The following GABRE variants were observed in gnomAD, a reference collection of about 807,000 sequenced individuals.
GABRE encodes the protein gamma-aminobutyric acid type A receptor subunit epsilon, also known as gamma-aminobutyric acid receptor subunit epsilon.
In GABRE, 20 loss-of-function variants were observed where a neutral mutation model predicts 31.0. The observed-to-expected ratio is 0.64, with a 90% confidence interval of 0.45 to 0.94. The LOEUF (loss-of-function observed/expected upper bound fraction) is 0.94, where lower values mean the gene tolerates loss of function less well. Among genes scored for constraint, GABRE ranks in the 40% least tolerant of loss-of-function variants. The pLI, the probability that GABRE is intolerant of heterozygous loss-of-function variation, is 0.00. For missense variants in GABRE, 420 were observed against 410.7 expected, an observed-to-expected ratio of 1.02 and a Z score of -0.20; for synonymous variants, 155 against 150.6, an observed-to-expected ratio of 1.03 and a Z score of -0.21.
intron 2 of GABRE, chrX:151,969,955 T>C (rs2124180375): frequency 9.3e-7 from 1 of 1,069,719 alleles, no homozygotes; most frequent in Non-Finnish European, 1.2e-6. Flanking sequence ...TCTAGTTTAG[T>C]CCTCTCATTT....
rs483352728 is a variant in GABRE at position 151,955,530 on chromosome X, G to T, written c.975C>A (p.Thr325=). 8.3e-7 allele frequency: 1 copy of T among 1,211,727 alleles called. No individual in the cohort carries two copies. Among genetic ancestry groups the T allele is most frequent in the Non-Finnish European group, 1.1e-6 (1 of 895,348 alleles). The part of the protein sequence containing the change: ...TSVLTMTTLG[T]FSRKNFPRVS... ...CACGCGGGAAATTCTTACGAGAAAA[G>T]GTGCCCAACGTGGTCATGGTCAGAA... The change falls in exon 8 of 9, where the codon ACC becomes ACA. Residue 325 remains threonine (T), a synonymous_variant. Coordinates refer to ENST00000370328, the MANE Select transcript of GABRE (RefSeq NM_004961.4).
In GABRE at chrX:151,954,770, C is replaced by A. The variant is rs765139873; in HGVS notation, c.1452G>T (p.Ser484=). 1.7e-6 allele frequency: 2 copies of A among 1,211,199 alleles called. No homozygotes were observed. Among genetic ancestry groups the A allele is most frequent in the South Asian group, 1.8e-5 (1 of 56,851 alleles). Residue 484 remains serine (S), a synonymous_variant, in exon 9 of 9, where the codon TCG becomes TCT. Coordinates refer to ENST00000370328, the MANE Select transcript of GABRE (RefSeq NM_004961.4). The stretch of plus-strand genomic sequence containing the variant: ...AGAAAGTCACTGGGAAAACAACTCT[C>A]GAGTAGTTATCCAGGCGGTAGACAT... ...CIHVYRLDNY[S]RVVFPVTFFF...
At chrX:151,963,645 A>G (rs1934447625) in intron 3 of GABRE, among the ~76,000 whole-genome samples, 2 of 112,666 alleles carry the variant, frequency 1.8e-5, no homozygotes, top group South Asian at 7.4e-4. Context: ...TGGTCACACC[A>G]TAGTCAAGAC....
chrX:151,954,794 A>G lies in GABRE; in HGVS notation c.1428T>C (p.His476=). The G allele has an allele frequency of 1.7e-6, 2 of 1,211,272 alleles. No individual in the cohort carries two copies. The highest frequency in any genetic ancestry group is 2.2e-6 in the Non-Finnish European group (2 of 894,808). Residue 476 remains histidine, a synonymous_variant, in exon 9 of 9, where the codon CAT becomes CAC. Transcript: ENST00000370328. ...STWQQGRLCI[H]VYRLDNYSRV... is the part of the protein sequence containing the mutation. ...TCGAGTAGTTATCCAGGCGGTAGAC[A>G]TGGATGCAGAGGCGGCCCTGCTGCC...
At position 151,968,503 on chromosome X, in the gene GABRE, A is replaced by G. The variant is rs1166171912; in HGVS notation, c.342+1166T>C. 5.4e-5 allele frequency among the ~76,000 whole-genome samples: 6 copies of G among 112,062 alleles called. No homozygotes were observed. In the Admixed American group the frequency reaches 5.7e-4, roughly 11 times the overall value. On this transcript the variant is annotated intron_variant, in intron 3 of 8. Coordinates refer to ENST00000370328, the MANE Select transcript of GABRE (RefSeq NM_004961.4). ...GCCTATGCGAACACCTTGATTTTCC[A>G]TGAAGGTTAACTTAGCATTGAGGGT...
chrX:151,969,019 T>C (rs755766159), intron 3 of GABRE, among the ~76,000 whole-genome samples: 11 of 112,413 alleles, frequency 9.8e-5, no homozygotes, highest in African/African-American at 2.6e-4. Context: ...AACAATGGCA[T>C]ACCAAATAGA....
rs183486222 is a variant in GABRE at position 151,971,149 on chromosome X, T to C, written c.57-747A>G. ...AAGGTATGAAACTCACCGATGGTGT[T>C]AGAAGTCCGGATAGTGCTGCCTTTG... On this transcript the variant is annotated intron_variant, in intron 1 of 8. Transcript: ENST00000370328. The C allele has an allele frequency of 5.9e-4, 503 of 859,229 alleles. 1 individual carries two copies. In the African/African-American group the frequency reaches 9.7e-3, roughly 17 times the overall value. 70.8% of individuals were successfully genotyped at this position (859,229 alleles called of 1,213,427 possible).
Position 151,959,756 on chromosome X carries a change from G to A in GABRE, c.784+83C>T, listed in dbSNP as rs766701190. 6 of 1,001,332 alleles carry A rather than the reference G, an allele frequency of 6.0e-6. No homozygotes were observed. In the African/African-American group the frequency reaches 7.6e-5, roughly 13 times the overall value. 82.5% of individuals were successfully genotyped at this position (1,001,332 alleles called of 1,213,427 possible). A position where few individuals can be genotyped will look rare whatever the true frequency, so the allele number is the denominator to read the frequency against. On this transcript the variant is annotated intron_variant, in intron 6 of 8. Transcript: ENST00000370328. The stretch of plus-strand genomic sequence containing the variant: ...ATGTCTTACAATGTTTGCACGGGAT[G>A]ACTGCAAAGCATTTGTATGGATGGC...
rs1192840978 is a variant in GABRE at position 151,954,085 on chromosome X, C to A, written c.*616G>T. 1 of 111,523 alleles carries A rather than the reference C, an allele frequency of 9.0e-6. No homozygotes were observed. Among genetic ancestry groups the A allele is most frequent in the South Asian group, 3.8e-4 (1 of 2,606 alleles). The allele number at this position is 111,523 out of a possible 1,213,427, so 9.2% of individuals were successfully genotyped here. A position where few individuals can be genotyped will look rare whatever the true frequency, so the allele number is the denominator to read the frequency against. ...GTCCCAAATAGGCTCTCTTGCTGCC[C>A]CCCCCTCTTCCTAAAGGGATAATGC... On this transcript the variant is annotated 3_prime_UTR_variant, in exon 9 of 9. Coordinates refer to ENST00000370328, the MANE Select transcript of GABRE (RefSeq NM_004961.4).
At chrX:151,959,067 T>C (rs1441069126) in intron 6 of GABRE, 1 of 328,630 alleles carries the variant, frequency 3.0e-6, no homozygotes, top group African/African-American at 2.7e-5. Flanking sequence ...TGCCCTGAAC[T>C]TGGTCAGGAT....
In GABRE at chrX:151,954,690, CCA is replaced by C. The variant is rs1399408546; in HGVS notation, c.*9_*10del. ...ACTGGAGAGGTTGCCCCACAGGGTA[CCA>C]GCTGGTACCTACAAGTTAAGGCAAA... On this transcript the variant is annotated 3_prime_UTR_variant, in exon 9 of 9. Transcript: ENST00000370328. 3 of 1,170,818 alleles carry C rather than the reference CCA, an allele frequency of 2.6e-6. No homozygotes were observed. In the Admixed American group the frequency reaches 7.2e-5, roughly 28 times the overall value.
At chrX:151,969,584 A>T in intron 3 of GABRE, 85 bp downstream of exon 3, 1 of 925,001 alleles carries the variant, frequency 1.1e-6, no homozygotes, top group Non-Finnish European at 1.5e-6. Flanking sequence ...TTACAGAAGT[A>T]CAGAGCAGAA....
At chrX:151,960,124 G>A (rs1934315294) in intron 5 of GABRE, 148 bp from the exon 6 acceptor site, 2 of 506,217 alleles carry the variant, frequency 4.0e-6, no homozygotes, top group Non-Finnish European at 3.3e-6. Flanking sequence ...CCTCATTGTT[G>A]AAGTCCATTC....
intron 1 of GABRE, 121 bp downstream of exon 1, chrX:151,974,449 G>T: frequency 2.1e-6 from 1 of 465,170 alleles, no homozygotes; most frequent in Non-Finnish European, 3.4e-6. Context: ...CGGTAGGGCC[G>T]GGGCAAAGCG....
Position 151,955,065 on chromosome X carries a change from G to A in GABRE, c.1157C>T (p.Ala386Val). Residue 386 changes from alanine to valine, a missense_variant, in exon 9 of 9, where the codon GCC becomes GTC. Ala to Val is a moderately conservative substitution (Grantham distance 64, BLOSUM62 0). Transcript: ENST00000370328. ...KLRHPRINSR[A>V]HARTRARSRA... Reference sequence around the variant, plus strand: ...GGAACGTGCACGGGTACGGGCATGGGCACGGCTATTGATACGAGGCTAAAA... The same window carrying A: ...GGAACGTGCACGGGTACGGGCATGGACACGGCTATTGATACGAGGCTAAAA... 1 of 1,202,882 alleles carries A rather than the reference G, an allele frequency of 8.3e-7. No individual in the cohort carries two copies. The highest frequency in any genetic ancestry group is 1.1e-6 in the Non-Finnish European group (1 of 890,759).
rs370673499 is a variant in GABRE at position 151,970,170 on chromosome X, C to T, written c.274+15G>A. 13 of 1,209,268 alleles carry T rather than the reference C, an allele frequency of 1.1e-5. No individual in the cohort carries two copies. The highest frequency in any genetic ancestry group is 8.8e-5 in the South Asian group (5 of 56,642). On this transcript the variant is annotated intron_variant, in intron 2 of 8. Transcript: ENST00000370328. ...GGACCCTCTAGGAGGGGAAGAACGT[C>T]GTTCTGCTCCTCACCTCCAATGCCA...
At chrX:151,966,469 A>G (rs1453339819) in intron 3 of GABRE, among the ~76,000 whole-genome samples, 5 of 112,123 alleles carry the variant, frequency 4.5e-5, no homozygotes, top group Non-Finnish European at 9.4e-5. Flanking sequence ...AACTACACCA[A>G]CTATGTACCC....
At chrX:151,961,001 C>A (rs908813511) in intron 5 of GABRE, among the ~76,000 whole-genome samples, 1 of 110,883 alleles carries the variant, frequency 9.0e-6, no homozygotes, top group African/African-American at 3.3e-5. Flanking sequence ...GAAGATGTGG[C>A]AAAAGTCCAG....
chrX:151,966,915 G>A (rs1309309416), intron 3 of GABRE, among the ~76,000 whole-genome samples: 1 of 112,007 alleles, frequency 8.9e-6, no homozygotes, highest in African/African-American at 3.2e-5. Flanking sequence ...AGCATTGTCA[G>A]GTGAGGCCAC....
Sources: allele counts gnomAD v4.1 joint callset (sites outside exome capture counted in the v4.1 genomes callset), GRCh38; gene constraint gnomAD v4.1.1; transcripts MANE v1.5; gene names NCBI Gene and HGNC (gene_info 2026-07-23, HGNC 2026-07-21).